DCAF4: variants seen among roughly 807,000 people sequenced by gnomAD.
The protein encoded by DCAF4 is DDB1- and CUL4-associated factor 4.
Under a neutral mutation model 60.9 loss-of-function variants are expected in DCAF4, and 37 were observed. The ratio of observed to expected loss-of-function variants is 0.61; its 90% CI spans 0.47 to 0.80. The LOEUF is 0.80. Among genes scored for constraint, DCAF4 ranks in the 30% least tolerant of loss-of-function variants. The pLI is 0.00. For synonymous variants in DCAF4, 243 were observed against 254.8 expected (o/e 0.95, Z 0.44); for missense variants, 577 against 650.0 (o/e 0.89, Z 1.22).
At chr14:72,928,296 G>A (rs1353103109) in intron 1 of DCAF4, among the ~76,000 whole-genome samples, 1 of 145,302 alleles carries the variant, frequency 6.9e-6, no homozygotes, top group Non-Finnish European at 1.5e-5. Context: ...CAGGTTTAAG[G>A]GATTCTCCTG....
chr14:72,956,931 G>A (rs1264954458), intron 13 of DCAF4: 5 of 214,832 alleles, frequency 2.3e-5, no homozygotes, highest in South Asian at 1.3e-4. Context: ...TCTTGGCCCC[G>A]GCCCGGCGCG....
intron 11 of DCAF4, 88 bp downstream of exon 11, chr14:72,954,571 C>A: frequency 1.6e-6 from 2 of 1,229,028 alleles, no homozygotes; most frequent in East Asian, 2.4e-5. Context: ...TGTGTGCCAT[C>A]TAGTACTCTT....
rs1376813261 is a variant in DCAF4 at position 72,945,986 on chromosome 14, A to T, written c.637A>T (p.Lys213Ter). 6.2e-7 allele frequency: 1 copy of T among 1,614,164 alleles called. No individual in the cohort carries two copies. Among genetic ancestry groups the T allele is most frequent in the South Asian group, 1.1e-5 (1 of 91,078 alleles). ...NLQSLKTPTL[K>*]VFMHENLYFT... Reference sequence around the variant, plus strand: ...GCAAAGTCTGAAGACCCCTACGCTCAAGGTGTTCATGCACGAAAACCTCTA... The same window carrying T: ...GCAAAGTCTGAAGACCCCTACGCTCTAGGTGTTCATGCACGAAAACCTCTA... Residue 213 changes from lysine to a stop codon, truncating the protein, a stop_gained, in exon 7 of 14, where the codon AAG (lysine) becomes TAG (stop). Transcript: ENST00000358377. LOFTEE classifies it high-confidence loss of function.
At position 72,956,719 on chromosome 14, in the gene DCAF4, A is replaced by AC. The variant is rs569449657; in HGVS notation, c.1294+219_1294+220insC. Reference sequence around the variant, plus strand: ...TCCACCAGGTGGACAGCCTCATCCCATGTCAGTGGGCAAACGTCACTTCAG... The same window carrying AC: ...TCCACCAGGTGGACAGCCTCATCCCACTGTCAGTGGGCAAACGTCACTTCAG... On this transcript the variant is annotated intron_variant, in intron 13 of 13. Transcript: ENST00000358377. 8.5e-4 allele frequency: 399 copies of AC among 471,556 alleles called. 2 individuals are homozygous for AC. The highest frequency in any genetic ancestry group is 7.2e-3 in the African/African-American group (360 of 50,228). The allele number at this position is 471,556 out of a possible 1,614,324, so 29.2% of individuals were successfully genotyped here.
At chr14:72,946,093 G>T in intron 7 of DCAF4, 66 bp downstream of exon 7, 1 of 1,578,774 alleles carries the variant, frequency 6.3e-7, no homozygotes. Context: ...CAAATTCAGG[G>T]TAGAGGAGAG....
rs1383300199 is a variant in DCAF4 at position 72,931,837 on chromosome 14, AT to A, written c.-9+5295del. On this transcript the variant is annotated intron_variant, in intron 1 of 13. Coordinates refer to ENST00000358377, the MANE Select transcript of DCAF4 (RefSeq NM_015604.4). Reference sequence around the variant, plus strand: ...GTATGGTATATTGATTGATTTTCATATGTTGAACCAACCTTATATTTCTGAG... The same window carrying A: ...GTATGGTATATTGATTGATTTTCATAGTTGAACCAACCTTATATTTCTGAG... Among the ~76,000 whole-genome samples the A allele has an allele frequency of 3.3e-5, 5 of 152,238 alleles. No homozygotes were observed. The East Asian group carries it at 9.6e-4, about 29-fold the overall frequency.
chr14:72,954,496 G>A lies in DCAF4; in HGVS notation c.1005+13G>A. The A allele has an allele frequency of 1.2e-6, 2 of 1,613,608 alleles. No homozygotes were observed. The highest frequency in any genetic ancestry group is 1.7e-6 in the Non-Finnish European group (2 of 1,179,580). On this transcript the variant is annotated intron_variant, in intron 11 of 13. Coordinates refer to ENST00000358377, the MANE Select transcript of DCAF4 (RefSeq NM_015604.4). ...GTTTGCTCTCATGGTTGGTTGGATTGGGACAGGCAGAATATAAAAGTTTGC... is the reference window on the plus strand; with the variant it reads ...GTTTGCTCTCATGGTTGGTTGGATTAGGACAGGCAGAATATAAAAGTTTGC...
At chr14:72,949,168 G>A (rs1891101184) in intron 8 of DCAF4, among the ~76,000 whole-genome samples, 1 of 152,084 alleles carries the variant, frequency 6.6e-6, no homozygotes, top group Non-Finnish European at 1.5e-5. Flanking sequence ...ATGTCACCTG[G>A]CCAGGCATGG....
At chr14:72,940,738 G>A (rs1036409309) in intron 4 of DCAF4, among the ~76,000 whole-genome samples, 5 of 148,364 alleles carry the variant, frequency 3.4e-5, no homozygotes, top group African/African-American at 5.0e-5. Context: ...CTACAGGCAC[G>A]TGCCACCATG....
At chr14:72,956,272 C>T in intron 12 of DCAF4, 114 bp from the exon 13 acceptor site, 1 of 707,854 alleles carries the variant, frequency 1.4e-6, no homozygotes, top group Middle Eastern at 3.0e-4. Flanking sequence ...AGATGGAGAT[C>T]TTCATGACCT....
chr14:72,956,579 A>G, intron 13 of DCAF4, 79 bp downstream of exon 13: 1 of 1,400,500 alleles, frequency 7.1e-7, no homozygotes. Flanking sequence ...TCAGCAGCAG[A>G]GGGAAAAGTT....
intron 13 of DCAF4, among the ~76,000 whole-genome samples, 190 bp from the exon 14 acceptor site, chr14:72,958,422 C>A (rs774335223): frequency 6.6e-6 from 1 of 152,214 alleles, no homozygotes; most frequent in Non-Finnish European, 1.5e-5. Context: ...CCAACCAGGG[C>A]ATCTTGTCAT....
rs71109770 is a variant in DCAF4, at chr14:72,955,914, C to CTTTTTTTTTTTTTT, written c.1179+231_1179+244dup. Among the ~76,000 whole-genome samples, 7 of 54,768 alleles carry CTTTTTTTTTTTTTT rather than the reference C, an allele frequency of 1.3e-4. 1 individual carries two copies. Among genetic ancestry groups the CTTTTTTTTTTTTTT allele is most frequent in the African/African-American group, 5.0e-4 (7 of 13,966 alleles). The allele number at this position is 54,768 out of a possible 152,430, so 35.9% of individuals were successfully genotyped here. Reference sequence around the variant, plus strand: ...GTGAAAAGGATTCTCTGGTTATGTCCTTTTTTTTTTTTTTTTTTTTTTTTT... The same window carrying CTTTTTTTTTTTTTT: ...GTGAAAAGGATTCTCTGGTTATGTCCTTTTTTTTTTTTTTTTTTTTTTTTTTTTTTTTTTTTTTT... On this transcript the variant is annotated intron_variant, in intron 12 of 13. Transcript: ENST00000358377.
At chr14:72,955,854 G>A (rs567877939) in intron 12 of DCAF4, among the ~76,000 whole-genome samples, 158 bp downstream of exon 12, 5 of 150,002 alleles carry the variant, frequency 3.3e-5, no homozygotes, top group Admixed American at 3.3e-4. Context: ...GGACTGCTTC[G>A]TTGACCATAT....
At position 72,940,301 on chromosome 14, in the gene DCAF4, C is replaced by A. The variant is rs139409447; in HGVS notation, c.275C>A (p.Thr92Lys). ...GGACATAACAACTGCAACCCCCTGACGAAAGAGAGCATCCGGCAGAAGGAG... is the reference window on the plus strand; with the variant it reads ...GGACATAACAACTGCAACCCCCTGAAGAAAGAGAGCATCCGGCAGAAGGAG... ...LPGHNNCNPL[T>K]KESIRQKEME... Residue 92 changes from threonine to lysine, a missense_variant, in exon 4 of 14, where the codon ACG becomes AAG. By Grantham distance (78) the Thr-to-Lys change is moderately conservative (BLOSUM62 -1). Coordinates refer to ENST00000358377, the MANE Select transcript of DCAF4 (RefSeq NM_015604.4). The A allele has an allele frequency of 3.0e-5, 49 of 1,614,010 alleles. No homozygotes were observed. Among genetic ancestry groups the A allele is most frequent in the Non-Finnish European group, 4.0e-5 (47 of 1,180,030 alleles).
chr14:72,958,406 A>G (rs1280212546), intron 13 of DCAF4, among the ~76,000 whole-genome samples: 5 of 152,230 alleles, frequency 3.3e-5, no homozygotes, highest in Non-Finnish European at 7.3e-5. Context: ...TCATGGCATC[A>G]CACAGCCAAC....
chr14:72,928,800 G>A (rs373280904), intron 1 of DCAF4, among the ~76,000 whole-genome samples: 7 of 152,184 alleles, frequency 4.6e-5, no homozygotes, highest in African/African-American at 1.7e-4. Context: ...TTGGGCTCCA[G>A]TCCAGGCCCC....
rs769482493 is a variant in DCAF4, at chr14:72,937,970, G to C, written c.-8-1G>C. 4.4e-5 allele frequency: 70 copies of C among 1,587,952 alleles called. No individual in the cohort carries two copies. Among genetic ancestry groups the C allele is most frequent in the Non-Finnish European group, 5.6e-5 (66 of 1,172,578 alleles). On this transcript the variant is annotated splice_acceptor_variant, in intron 1 of 13. Transcript: ENST00000358377. LOFTEE classifies it low-confidence loss of function (5UTR_SPLICE). ...TGGATTTTTTTGTTTTTCTCTTTTAGGAACAGAAATGAATAAAAGTCGCTG... is the reference window on the plus strand; with the variant it reads ...TGGATTTTTTTGTTTTTCTCTTTTACGAACAGAAATGAATAAAAGTCGCTG...
intron 8 of DCAF4, among the ~76,000 whole-genome samples, 172 bp from the exon 9 acceptor site, chr14:72,951,626 A>C (rs552184130): frequency 1.3e-5 from 2 of 149,244 alleles, no homozygotes. Flanking sequence ...ACAAACAAAC[A>C]AAAAAAAAAC....
Sources: gnomAD v4.1 joint callset for allele counts (sites outside exome capture counted in the v4.1 genomes callset) on GRCh38, gnomAD v4.1.1 for gene constraint, MANE v1.5 for transcripts, NCBI Gene and HGNC (gene_info 2026-07-23, HGNC 2026-07-21) for gene names.